The following SLC4A10 variants were observed in gnomAD, a reference collection of about 807,000 sequenced individuals.
The protein encoded by SLC4A10 is solute carrier family 4 member 10.
In SLC4A10, 42 loss-of-function variants were observed where a neutral mutation model predicts 137.7. That is an observed-to-expected ratio of 0.30 (90% CI 0.24 to 0.39). The LOEUF (loss-of-function observed/expected upper bound fraction) is 0.39. SLC4A10 is among the 10% of genes least tolerant of loss of function. The probability of loss-of-function intolerance (pLI) is 1.00; values close to 1 mark genes in which losing one functional copy is unlikely to be tolerated. For missense variants in SLC4A10, 925 were observed against 1,355.0 expected, an observed-to-expected ratio of 0.68 and a Z score of 4.98; for synonymous variants, 474 against 464.1, an observed-to-expected ratio of 1.02 and a Z score of -0.27.
At chr2:161,936,969 A>G (rs1691689401) in intron 15 of SLC4A10, among the ~76,000 whole-genome samples, 2 of 152,148 alleles carry the variant, frequency 1.3e-5, no homozygotes, top group Admixed American at 1.3e-4. Context: ...GTTTATTGCC[A>G]TGAACTTTCC....
At chr2:161,831,529 A>G (rs10200835) in intron 3 of SLC4A10, among the ~76,000 whole-genome samples, 409 of 152,070 alleles carry the variant, frequency 2.7e-3, no homozygotes, top group African/African-American at 9.4e-3. Context: ...TATTCCTAAT[A>G]TTATATTTTT....
chr2:161,766,575 A>G (rs1182528027), intron 1 of SLC4A10, among the ~76,000 whole-genome samples: 3 of 152,138 alleles, frequency 2.0e-5, no homozygotes, highest in Non-Finnish European at 4.4e-5. Flanking sequence ...TCTGCCTAAC[A>G]GCACCTCAGA....
At chr2:161,643,907 T>C (rs2035644478) in intron 1 of SLC4A10, among the ~76,000 whole-genome samples, 1 of 152,074 alleles carries the variant, frequency 6.6e-6, no homozygotes, top group East Asian at 1.9e-4. Flanking sequence ...ATAAGAGAGA[T>C]GGTTCAAAAT....
intron 2 of SLC4A10, among the ~76,000 whole-genome samples, chr2:161,786,376 T>G (rs62190663): frequency 0.066 from 10,068 of 151,908 alleles, 439 homozygotes; most frequent in East Asian, 0.15. Flanking sequence ...TAAATGCAAT[T>G]TGACAATCTA....
chr2:161,731,931 T>C (rs1404064193), intron 1 of SLC4A10, among the ~76,000 whole-genome samples: 1 of 152,178 alleles, frequency 6.6e-6, no homozygotes, highest in Non-Finnish European at 1.5e-5. Context: ...TTCTTATTAA[T>C]TAATTATTGT....
At chr2:161,868,600 T>C (rs1474506624) in intron 6 of SLC4A10, among the ~76,000 whole-genome samples, 3 of 151,488 alleles carry the variant, frequency 2.0e-5, no homozygotes, top group East Asian at 3.9e-4. Flanking sequence ...TTCAAACAGG[T>C]GCTAATATGA....
intron 1 of SLC4A10, among the ~76,000 whole-genome samples, chr2:161,726,092 A>G (rs2046191840): frequency 6.6e-6 from 1 of 152,218 alleles, no homozygotes; most frequent in East Asian, 1.9e-4. Context: ...TCAATAGATT[A>G]TGTTTTATAG....
chr2:161,708,590 A>T lies in SLC4A10; in HGVS notation c.49-62383A>T, dbSNP rs538810592. Reference sequence around the variant, plus strand: ...TCTCTCTTAGTATGGGGTGTTTGTAACTGCACAGGGGAGATGATAAATAGT... The same window carrying T: ...TCTCTCTTAGTATGGGGTGTTTGTATCTGCACAGGGGAGATGATAAATAGT... On this transcript the variant is annotated intron_variant, in intron 1 of 26. Coordinates refer to ENST00000446997, the MANE Select transcript of SLC4A10 (RefSeq NM_001178015.2). 4.4e-4 allele frequency: 543 copies of T among 1,231,430 alleles called. 1 individual carries two copies. Among genetic ancestry groups the T allele is most frequent in the South Asian group, 3.7e-3 (216 of 58,774 alleles). The allele number at this position is 1,231,430 out of a possible 1,614,324, so 76.3% of individuals were successfully genotyped here. A position where few individuals can be genotyped will look rare whatever the true frequency, so the allele number is the denominator to read the frequency against.
At chr2:161,744,406 C>A (rs988428004) in intron 1 of SLC4A10, among the ~76,000 whole-genome samples, 2 of 152,118 alleles carry the variant, frequency 1.3e-5, no homozygotes, top group Non-Finnish European at 2.9e-5. Flanking sequence ...TTTTGTCCTT[C>A]TCTTTGTTGA....
Position 161,806,875 on chromosome 2 carries a change from C to T in SLC4A10, c.277+2280C>T. On this transcript the variant is annotated intron_variant, in intron 3 of 26. Coordinates refer to ENST00000446997, the MANE Select transcript of SLC4A10 (RefSeq NM_001178015.2). ...ATTTTCAGGTATCTTTTCAGCAGCA[C>T]CCCACTCTACTGGTATCAATTTACT... Among the ~76,000 whole-genome samples, 2 of 152,152 alleles carry T rather than the reference C, an allele frequency of 1.3e-5. 1 individual carries two copies. The highest frequency in any genetic ancestry group is 1.3e-4 in the Admixed American group (2 of 15,262).
At chr2:161,694,037 A>C (rs569436013) in intron 1 of SLC4A10, among the ~76,000 whole-genome samples, 1 of 152,048 alleles carries the variant, frequency 6.6e-6, no homozygotes, top group South Asian at 2.1e-4. Flanking sequence ...AGGTCTCTTC[A>C]GAGACAACTG....
intron 15 of SLC4A10, among the ~76,000 whole-genome samples, chr2:161,908,952 G>A (rs1158748948): frequency 1.3e-5 from 2 of 151,692 alleles, no homozygotes; most frequent in Non-Finnish European, 2.9e-5. Flanking sequence ...TAATTTGAAA[G>A]CTAAAATAGC....
intron 26 of SLC4A10, among the ~76,000 whole-genome samples, chr2:161,982,147 G>C (rs1377075626): frequency 6.6e-6 from 1 of 152,124 alleles, no homozygotes; most frequent in Non-Finnish European, 1.5e-5. Flanking sequence ...TTTATATTAA[G>C]GGCCGAAGTT....
intron 1 of SLC4A10, among the ~76,000 whole-genome samples, chr2:161,762,308 G>T (rs1279327837): frequency 6.6e-6 from 1 of 151,914 alleles, no homozygotes; most frequent in African/African-American, 2.4e-5. Flanking sequence ...TAAATTTTAT[G>T]GCACTATAAT....
intron 1 of SLC4A10, among the ~76,000 whole-genome samples, chr2:161,630,827 G>C (rs190864135): frequency 3.0e-4 from 46 of 151,784 alleles, no homozygotes; most frequent in Non-Finnish European, 4.3e-4. Flanking sequence ...GAGAAACTGA[G>C]GTCCAGAGAT....
intron 21 of SLC4A10, among the ~76,000 whole-genome samples, chr2:161,959,459 G>A (rs769660769): frequency 1.6e-4 from 24 of 152,144 alleles, no homozygotes; most frequent in Non-Finnish European, 3.1e-4. Context: ...CTTGCAAAAT[G>A]GCTATTCCAC....
intron 1 of SLC4A10, among the ~76,000 whole-genome samples, chr2:161,665,755 G>A (rs1305422321): frequency 2.6e-5 from 4 of 151,230 alleles, no homozygotes; most frequent in Non-Finnish European, 4.4e-5. Context: ...CTGAGCCATA[G>A]AAATTGGCTT....
At position 161,707,295 on chromosome 2, in the gene SLC4A10, A is replaced by C. The variant is rs569069312; in HGVS notation, c.49-63678A>C. Among the ~76,000 whole-genome samples the C allele has an allele frequency of 2.6e-5, 4 of 151,590 alleles. No homozygotes were observed. In the Admixed American group the frequency reaches 2.6e-4, roughly 10 times the overall value. On this transcript the variant is annotated intron_variant, in intron 1 of 26. Coordinates refer to ENST00000446997, the MANE Select transcript of SLC4A10 (RefSeq NM_001178015.2). ...CAGTTTCTTAAGACTCATTGTGACTAGTCTCCATCAAATGTTGTGAGTGAA... is the reference window on the plus strand; with the variant it reads ...CAGTTTCTTAAGACTCATTGTGACTCGTCTCCATCAAATGTTGTGAGTGAA...
At chr2:161,734,973 C>G (rs1191007803) in intron 1 of SLC4A10, among the ~76,000 whole-genome samples, 1 of 151,908 alleles carries the variant, frequency 6.6e-6, no homozygotes, top group Non-Finnish European at 1.5e-5. Context: ...TCTCCTCTCT[C>G]TCTCTTGCCA....
Sources: allele counts gnomAD v4.1 joint callset (sites outside exome capture counted in the v4.1 genomes callset), GRCh38; gene constraint gnomAD v4.1.1; transcripts MANE v1.5; gene names NCBI Gene and HGNC (gene_info 2026-07-23, HGNC 2026-07-21).